CCDC102B: variants seen among roughly 807,000 people sequenced by gnomAD.
The protein encoded by CCDC102B is coiled-coil domain containing 102B, also known as coiled-coil domain-containing protein 102B.
Under a neutral mutation model 57.4 loss-of-function variants are expected in CCDC102B, and 75 were observed. The ratio of observed to expected loss-of-function variants is 1.31; its 90% CI spans 1.08 to 1.58. CCDC102B has a LOEUF of 1.58. Among genes scored for constraint, CCDC102B ranks in the 40% most tolerant of loss-of-function variants. The probability of loss-of-function intolerance (pLI) is 0.00; values close to 1 mark genes in which losing one functional copy is unlikely to be tolerated. For synonymous variants in CCDC102B, 206 were observed against 201.9 expected, an observed-to-expected ratio of 1.02 and a Z score of -0.17; for missense variants, 636 against 582.6, an observed-to-expected ratio of 1.09 and a Z score of -0.94.
chr18:68,988,927 G>T (rs2050794767), intron 6 of CCDC102B, among the ~76,000 whole-genome samples: 1 of 152,144 alleles, frequency 6.6e-6, no homozygotes, highest in African/African-American at 2.4e-5. Context: ...ATGCTATGAG[G>T]ACCTTTGTTA....
chr18:68,825,264 A>C (rs1264329396), intron 1 of CCDC102B, among the ~76,000 whole-genome samples: 2 of 152,234 alleles, frequency 1.3e-5, no homozygotes, highest in Non-Finnish European at 2.9e-5. Flanking sequence ...TACTGAACTT[A>C]AGGTGCTATT....
intron 5 of CCDC102B, among the ~76,000 whole-genome samples, chr18:68,893,775 T>A (rs1335277389): frequency 6.6e-6 from 1 of 152,154 alleles, no homozygotes; most frequent in Admixed American, 6.6e-5. Context: ...TCCAATGTTT[T>A]ATCCTTCGGA....
chr18:68,969,693 T>A (rs888792973), intron 6 of CCDC102B, among the ~76,000 whole-genome samples: 3 of 152,186 alleles, frequency 2.0e-5, no homozygotes, highest in East Asian at 3.9e-4. Context: ...TGTGTTATTT[T>A]TCAGGGTTTT....
chr18:68,945,122 C>CTCCACACACA (rs369066554), intron 6 of CCDC102B, among the ~76,000 whole-genome samples: 2 of 143,940 alleles, frequency 1.4e-5, no homozygotes, highest in Non-Finnish European at 3.0e-5. Flanking sequence ...CTCTCTCTCT[C>CTCCACACACA]CACACACACA....
intron 6 of CCDC102B, among the ~76,000 whole-genome samples, chr18:68,989,851 G>A (rs1009073123): frequency 2.6e-5 from 4 of 152,176 alleles, no homozygotes; most frequent in African/African-American, 9.6e-5. Context: ...CTTCAGATTA[G>A]CCACTAACCG....
At chr18:68,989,780 G>A (rs937682788) in intron 6 of CCDC102B, among the ~76,000 whole-genome samples, 14 of 152,138 alleles carry the variant, frequency 9.2e-5, no homozygotes, top group Non-Finnish European at 1.8e-4. Flanking sequence ...TGTTTCGGTC[G>A]TGGGTGCTCT....
At chr18:69,038,376 G>A (rs1022909266) in intron 7 of CCDC102B, among the ~76,000 whole-genome samples, 2 of 151,726 alleles carry the variant, frequency 1.3e-5, no homozygotes, top group African/African-American at 4.8e-5. Context: ...GATATTATTT[G>A]TCATACGTTC....
At chr18:68,899,508 G>T (rs2040364052) in intron 6 of CCDC102B, among the ~76,000 whole-genome samples, 1 of 151,994 alleles carries the variant, frequency 6.6e-6, no homozygotes, top group Non-Finnish European at 1.5e-5. Context: ...GTGAGGCAGT[G>T]AAAGAAGGTG....
At chr18:68,833,595 T>C (rs1159009161) in intron 1 of CCDC102B, among the ~76,000 whole-genome samples, 1 of 152,144 alleles carries the variant, frequency 6.6e-6, no homozygotes, top group Non-Finnish European at 1.5e-5. Context: ...AGGCCCATGC[T>C]ATTCTTGTCT....
chr18:68,729,840 C>A (rs955485220), intron 2 of CCDC102B, among the ~76,000 whole-genome samples: 1 of 152,036 alleles, frequency 6.6e-6, no homozygotes, highest in Non-Finnish European at 1.5e-5. Flanking sequence ...AGACAAGCAA[C>A]AGAATTGGAA....
intron 1 of CCDC102B, among the ~76,000 whole-genome samples, chr18:68,801,259 T>G (rs1220441569): frequency 6.6e-6 from 1 of 152,156 alleles, no homozygotes; most frequent in Admixed American, 6.5e-5. Flanking sequence ...TAACTAGTGC[T>G]CCATCCTCAG....
intron 6 of CCDC102B, among the ~76,000 whole-genome samples, chr18:68,966,074 C>T (rs2050159312): frequency 1.3e-5 from 2 of 152,140 alleles, no homozygotes; most frequent in African/African-American, 2.4e-5. Context: ...TCTCCACGAA[C>T]ACTGTGGTGT....
At chr18:69,052,318 T>C (rs920254967) in intron 7 of CCDC102B, among the ~76,000 whole-genome samples, 1 of 152,048 alleles carries the variant, frequency 6.6e-6, no homozygotes, top group Admixed American at 6.6e-5. Flanking sequence ...AAAATGTGAT[T>C]AAACTGGATC....
At chr18:68,837,409 T>C in intron 2 of CCDC102B, 40 bp downstream of exon 2, 1 of 1,557,758 alleles carries the variant, frequency 6.4e-7, no homozygotes, top group African/African-American at 1.4e-5. Flanking sequence ...TTTCTGAAGG[T>C]CATATATAGT....
intron 1 of CCDC102B, chr18:68,823,546 A>G (rs558182865): frequency 6.6e-6 from 1 of 152,170 alleles, no homozygotes; most frequent in African/African-American, 2.4e-5. Context: ...TTCATGATCT[A>G]TTTTCCTTTG....
chr18:68,948,422 C>T (rs534288745), intron 6 of CCDC102B, among the ~76,000 whole-genome samples: 1 of 152,088 alleles, frequency 6.6e-6, no homozygotes, highest in Admixed American at 6.6e-5. Context: ...CACATGCTAT[C>T]TTTATTATCA....
chr18:68,956,231 C>T (rs1470035366), intron 6 of CCDC102B, among the ~76,000 whole-genome samples: 1 of 147,348 alleles, frequency 6.8e-6, no homozygotes, highest in African/African-American at 2.5e-5. Context: ...GTTAAGGTTG[C>T]TTCCAAATCT....
In CCDC102B at chr18:68,790,736, C is replaced by T. The variant is rs669196; in HGVS notation, c.-66-32630C>T. 6.2e-3 allele frequency among the ~76,000 whole-genome samples: 939 copies of T among 152,276 alleles called. 8 individuals carry two copies. Among genetic ancestry groups the T allele is most frequent in the East Asian group, 0.042 (215 of 5,152 alleles). The stretch of plus-strand genomic sequence containing the variant: ...TGACCTGCGCCCACTGTCTGGCACT[C>T]CCTAGTGAGATGAACCTGGTACCTC... On this transcript the variant is annotated intron_variant, in intron 2 of 3. Coordinates refer to the CCDC102B transcript ENST00000578970.
intron 7 of CCDC102B, among the ~76,000 whole-genome samples, chr18:69,043,514 C>G (rs965915821): frequency 5.3e-5 from 8 of 152,024 alleles, no homozygotes; most frequent in Non-Finnish European, 8.8e-5. Context: ...GCAGAGGTCC[C>G]TGCGGCCTTC....
Sources: gnomAD v4.1 joint callset for allele counts (sites outside exome capture counted in the v4.1 genomes callset) on GRCh38, gnomAD v4.1.1 for gene constraint, MANE v1.5 for transcripts, NCBI Gene and HGNC (gene_info 2026-07-23, HGNC 2026-07-21) for gene names.